The following CIMIP2C variants were observed in gnomAD, a reference collection of about 807,000 sequenced individuals.
The protein encoded by CIMIP2C is UPF0573 protein C2orf70.
At chr2:26,578,534 T>A in the CIMIP2C span, 19 of 263,470 alleles carry the variant, frequency 7.2e-5, no homozygotes, top group South Asian at 7.6e-4. Flanking sequence ...CCTGGGGAAC[T>A]TGTGCTGCGT....
chr2:26,568,535 CCTT>C, the CIMIP2C span, among the ~76,000 whole-genome samples: 1 of 152,168 alleles, frequency 6.6e-6, no homozygotes, highest in Non-Finnish European at 1.5e-5. Flanking sequence ...CAGGGATCCT[CCTT>C]CTCTCCAGAA....
At chr2:26,579,356 C>A in the CIMIP2C span, 2 of 1,614,064 alleles carry the variant, frequency 1.2e-6, no homozygotes, top group South Asian at 2.2e-5. Context: ...AACCTGAAGA[C>A]CTACCAGACC....
the CIMIP2C span, chr2:26,562,683 C>T: frequency 1.9e-6 from 3 of 1,568,642 alleles, no homozygotes; most frequent in Non-Finnish European, 2.6e-6. Context: ...GGACTCATGC[C>T]CGGGTAAGGC....
At chr2:26,562,770 CT>C in the CIMIP2C span, 1 of 1,233,916 alleles carries the variant, frequency 8.1e-7, no homozygotes, top group East Asian at 2.6e-5. Flanking sequence ...TGCCCCCGGA[CT>C]TTGGGGTTGA....
At chr2:26,577,325 G>C in the CIMIP2C span, among the ~76,000 whole-genome samples, 2 of 152,210 alleles carry the variant, frequency 1.3e-5, no homozygotes, top group Non-Finnish European at 2.9e-5. Flanking sequence ...CAGATGAGAA[G>C]TCGTGACTCA....
the CIMIP2C span, chr2:26,576,247 G>A: frequency 1.3e-6 from 2 of 1,518,572 alleles, no homozygotes; most frequent in Non-Finnish European, 1.8e-6. Context: ...GGGAGTGATG[G>A]CCAGGGGCCA....
the CIMIP2C span, chr2:26,579,177 A>T: frequency 8.1e-7 from 1 of 1,231,024 alleles, no homozygotes. Context: ...TGTTAAACTG[A>T]CGAGTAGCCG....
At chr2:26,572,349 G>GT in the CIMIP2C span, among the ~76,000 whole-genome samples, 80 of 138,676 alleles carry the variant, frequency 5.8e-4, no homozygotes, top group African/African-American at 1.6e-3. Context: ...TACTGAGTTG[G>GT]TTTTTTTTTT....
At chr2:26,568,846 C>T in the CIMIP2C span, among the ~76,000 whole-genome samples, 2 of 151,988 alleles carry the variant, frequency 1.3e-5, no homozygotes, top group East Asian at 1.9e-4. Flanking sequence ...TATGGCAAAA[C>T]CCCGTCTCTA....
chr2:26,562,973 G>A, the CIMIP2C span: 3 of 465,196 alleles, frequency 6.4e-6, no homozygotes, highest in South Asian at 3.1e-5. Flanking sequence ...AGCCGGGGAA[G>A]GGGGAGGAGA....
chr2:26,577,601 C>A, the CIMIP2C span: 3 of 1,613,862 alleles, frequency 1.9e-6, no homozygotes, highest in Non-Finnish European at 2.5e-6. Flanking sequence ...GTGAGGGAGC[C>A]GGAACGGTAC....
At chr2:26,575,671 CT>C in the CIMIP2C span, among the ~76,000 whole-genome samples, 3 of 151,780 alleles carry the variant, frequency 2.0e-5, no homozygotes, top group African/African-American at 7.3e-5. Flanking sequence ...TGCCCTTCAT[CT>C]TTTTTTTTCT....
At chr2:26,564,815 G>A in the CIMIP2C span, among the ~76,000 whole-genome samples, 1,159 of 152,194 alleles carry the variant, frequency 7.6e-3, 19 homozygotes, top group African/African-American at 0.026. Flanking sequence ...ATGCTGGTGT[G>A]GACCTCAGAG....
At chr2:26,577,675 A>G in the CIMIP2C span, 1 of 1,399,666 alleles carries the variant, frequency 7.1e-7, no homozygotes. Context: ...AAACGCACCC[A>G]TGGGGCACCT....
At chr2:26,572,239 A>T in the CIMIP2C span, 3 of 1,327,014 alleles carry the variant, frequency 2.3e-6, no homozygotes, top group African/African-American at 4.5e-5. Context: ...TAACATTTAC[A>T]TTCCATTCTG....
the CIMIP2C span, chr2:26,562,814 G>C: frequency 3.2e-5 from 25 of 779,974 alleles, 1 homozygote; most frequent in South Asian, 3.2e-5. Context: ...TCCACCCGAC[G>C]GGGCGAGGGG....
At chr2:26,562,692 G>A in the CIMIP2C span, 12 of 1,563,486 alleles carry the variant, frequency 7.7e-6, no homozygotes, top group Non-Finnish European at 1.0e-5. Context: ...CCCGGGTAAG[G>A]CCGAGGGAGC....
At chr2:26,565,223 T>C in the CIMIP2C span, among the ~76,000 whole-genome samples, 44,591 of 151,828 alleles carry the variant, frequency 0.29, 7,645 homozygotes, top group East Asian at 0.62. Context: ...CCTGAGTAGC[T>C]GGGATTACAG....
the CIMIP2C span, among the ~76,000 whole-genome samples, chr2:26,572,716 G>A: frequency 4.3e-4 from 65 of 152,330 alleles, no homozygotes; most frequent in African/African-American, 3.8e-4. Flanking sequence ...TGAGACAGGC[G>A]CTGGGGCCGG....
Sources: allele counts gnomAD v4.1 joint callset (sites outside exome capture counted in the v4.1 genomes callset), GRCh38; gene constraint gnomAD v4.1.1; transcripts MANE v1.5; gene names NCBI Gene and HGNC (gene_info 2026-07-23, HGNC 2026-07-21).